Variants in VTA1 observed in about 807,000 individuals in gnomAD.
VTA1 encodes vesicle trafficking 1.
VTA1 carries 24 observed loss-of-function variants against 36.9 expected under a neutral mutation model. The observed-to-expected ratio is 0.65, with a 90% CI of 0.47 to 0.91. VTA1 has a LOEUF of 0.91. VTA1 is among the 40% of genes least tolerant of loss of function. VTA1 has a pLI of 0.00. For missense variants in VTA1, 393 were observed against 377.2 expected, an observed-to-expected ratio of 1.04 and a Z score of -0.35; for synonymous variants, 142 against 130.2, an observed-to-expected ratio of 1.09 and a Z score of -0.62.
intron 6 of VTA1, among the ~76,000 whole-genome samples, chr6:142,202,096 G>A (rs1312785430): frequency 2.0e-5 from 3 of 151,898 alleles, no homozygotes; most frequent in Admixed American, 6.6e-5. Flanking sequence ...AGGTACACCT[G>A]TTTCAAAGCA....
intron 7 of VTA1, among the ~76,000 whole-genome samples, chr6:142,211,712 T>TAAA (rs915296407): frequency 1.0e-5 from 1 of 99,852 alleles, no homozygotes. Context: ...CTCCATCTCT[T>TAAA]AAAAAAAAAA....
At position 142,169,692 on chromosome 6, in the gene VTA1, A is replaced by T; in HGVS notation, c.335+15A>T. 1.3e-6 allele frequency: 2 copies of T among 1,527,762 alleles called. No homozygotes were observed. Among genetic ancestry groups the T allele is most frequent in the Non-Finnish European group, 8.7e-7 (1 of 1,147,388 alleles). 94.6% of individuals were successfully genotyped at this position (1,527,762 alleles called of 1,614,324 possible). A position where few individuals can be genotyped will look rare whatever the true frequency, so the allele number is the denominator to read the frequency against. ...CGATTTCACAAGTAAGTAAAGAGAAAAATAAAAATTATTTTATTAATTTTG... is the reference window on the plus strand; with the variant it reads ...CGATTTCACAAGTAAGTAAAGAGAATAATAAAAATTATTTTATTAATTTTG... On this transcript the variant is annotated intron_variant, in intron 3 of 7. Transcript: ENST00000367630.
chr6:142,216,313 T>A (rs1474710682), intron 7 of VTA1, among the ~76,000 whole-genome samples: 1 of 152,172 alleles, frequency 6.6e-6, no homozygotes, highest in Non-Finnish European at 1.5e-5. Flanking sequence ...TGACATTTTA[T>A]TTTTACTCAG....
intron 7 of VTA1, among the ~76,000 whole-genome samples, chr6:142,205,895 AATAGAATT>A (rs1453528269): frequency 5.3e-5 from 8 of 152,162 alleles, no homozygotes; most frequent in Non-Finnish European, 1.0e-4. Context: ...TTTGAACAGT[AATAGAATT>A]ATGGAATATA....
chr6:142,169,500 A>G (rs750403559), intron 2 of VTA1, 50 bp from the exon 3 acceptor site: 17 of 1,560,458 alleles, frequency 1.1e-5, no homozygotes, highest in Non-Finnish European at 1.4e-5. Flanking sequence ...AATTAAGTCA[A>G]CACTTCTGAG....
In VTA1 at chr6:142,218,696, T is replaced by C; in HGVS notation, c.*53T>C. The C allele has an allele frequency of 1.3e-6, 2 of 1,539,498 alleles. No individual in the cohort carries two copies. Among genetic ancestry groups the C allele is most frequent in the Non-Finnish European group, 1.7e-6 (2 of 1,148,230 alleles). The stretch of plus-strand genomic sequence containing the variant: ...TTTGGCATGAGGAACTAACAGTCCA[T>C]TACTCTATCTTCAGCCTATCAGGAT... On this transcript the variant is annotated 3_prime_UTR_variant, in exon 8 of 8. Transcript: ENST00000367630.
intron 7 of VTA1, among the ~76,000 whole-genome samples, chr6:142,214,019 G>A (rs925925094): frequency 2.6e-5 from 4 of 152,032 alleles, no homozygotes; most frequent in African/African-American, 9.7e-5. Flanking sequence ...TGTACCACAT[G>A]ATCAGGCTGC....
chr6:142,166,456 T>C (rs1451432649), intron 2 of VTA1, 134 bp downstream of exon 2: 1 of 576,830 alleles, frequency 1.7e-6, no homozygotes, highest in East Asian at 2.9e-5. Context: ...GAGGAAAAAC[T>C]AGTAATAATT....
chr6:142,203,138 G>A (rs534299020), intron 6 of VTA1, among the ~76,000 whole-genome samples: 2 of 151,916 alleles, frequency 1.3e-5, no homozygotes, highest in Non-Finnish European at 2.9e-5. Context: ...AGAACTCTCA[G>A]TGGATATATA....
intron 7 of VTA1, among the ~76,000 whole-genome samples, chr6:142,217,716 T>C (rs2114692151): frequency 6.6e-6 from 1 of 152,152 alleles, no homozygotes; most frequent in East Asian, 1.9e-4. Context: ...TTAGTACTCC[T>C]GAGAATTCTC....
intron 4 of VTA1, among the ~76,000 whole-genome samples, chr6:142,187,968 C>T (rs571464277): frequency 7.3e-6 from 1 of 137,266 alleles, no homozygotes; most frequent in East Asian, 2.1e-4. Flanking sequence ...GGTGCAGTGG[C>T]GCAGTCTTGG....
At chr6:142,186,199 A>C (rs1447432334) in intron 4 of VTA1, among the ~76,000 whole-genome samples, 1 of 152,086 alleles carries the variant, frequency 6.6e-6, no homozygotes, top group Non-Finnish European at 1.5e-5. Context: ...ACAATAGGCA[A>C]ACAGGTTGTA....
intron 7 of VTA1, among the ~76,000 whole-genome samples, chr6:142,204,282 C>G (rs746155917): frequency 1.3e-5 from 2 of 152,014 alleles, no homozygotes; most frequent in Non-Finnish European, 2.9e-5. Context: ...AAAGCTGTCC[C>G]CTTTTGTTAC....
intron 1 of VTA1, among the ~76,000 whole-genome samples, chr6:142,154,974 C>G (rs1023911762): frequency 3.4e-4 from 52 of 151,962 alleles, no homozygotes; most frequent in African/African-American, 1.2e-3. Flanking sequence ...TTAAAAAAAT[C>G]ATTGATACAG....
In VTA1 at chr6:142,166,220, CT is replaced by C; in HGVS notation, c.113-5del. ...AAATTGTTCAAATTATCTTACTTTT[CT>C]TTCTAGGTCGTTTATACGCAATGCA... On this transcript the variant is annotated splice_region_variant and splice_polypyrimidine_tract_variant and intron_variant, in intron 1 of 7. Coordinates refer to ENST00000367630, the MANE Select transcript of VTA1 (RefSeq NM_016485.5). 6.3e-7 allele frequency: 1 copy of C among 1,582,806 alleles called. No homozygotes were observed. The highest frequency in any genetic ancestry group is 8.6e-7 in the Non-Finnish European group (1 of 1,161,316).
chr6:142,216,439 T>C (rs996560346), intron 7 of VTA1, among the ~76,000 whole-genome samples: 1 of 152,158 alleles, frequency 6.6e-6, no homozygotes, highest in African/African-American at 2.4e-5. Context: ...TTAGCTTAAT[T>C]TTTCATTGTT....
At chr6:142,217,503 A>G (rs1362246450) in intron 7 of VTA1, among the ~76,000 whole-genome samples, 1 of 151,744 alleles carries the variant, frequency 6.6e-6, no homozygotes, top group Non-Finnish European at 1.5e-5. Flanking sequence ...CTAGTTTGAA[A>G]TCTTTGCCTA....
chr6:142,223,294 A>G lies in VTA1; in HGVS notation c.*4651A>G, dbSNP rs1776147677. 6.6e-6 allele frequency: 1 copy of G among 152,198 alleles called. No homozygotes were observed. The highest frequency in any genetic ancestry group is 2.4e-5 in the African/African-American group (1 of 41,440). 9.4% of individuals were successfully genotyped at this position (152,198 alleles called of 1,614,324 possible). ...CCAAGGGGACACTAAGCAGGGTTTGAGTAATGCTACAATGGATTTATAGGT... is the reference window on the plus strand; with the variant it reads ...CCAAGGGGACACTAAGCAGGGTTTGGGTAATGCTACAATGGATTTATAGGT... On this transcript the variant is annotated 3_prime_UTR_variant, in exon 8 of 8. Transcript: ENST00000367630.
intron 6 of VTA1, among the ~76,000 whole-genome samples, chr6:142,198,988 AG>A (rs1775624945): frequency 6.6e-6 from 1 of 152,116 alleles, no homozygotes; most frequent in South Asian, 2.1e-4. Flanking sequence ...TGTGTCAGTC[AG>A]GGTCTCACTG....
Sources: allele counts gnomAD v4.1 joint callset (sites outside exome capture counted in the v4.1 genomes callset), GRCh38; gene constraint gnomAD v4.1.1; transcripts MANE v1.5; gene names NCBI Gene and HGNC (gene_info 2026-07-23, HGNC 2026-07-21).